Variants in PPCS observed in about 807,000 individuals in gnomAD.
The protein encoded by PPCS is phosphopantothenate--cysteine ligase.
PPCS carries 17 observed loss-of-function variants against 24.6 expected under a neutral mutation model. The observed-to-expected ratio is 0.69, with a 90% CI of 0.47 to 1.04. The LOEUF is 1.04. Among genes scored for constraint, PPCS ranks in the 50% least tolerant of loss-of-function variants. The pLI, the probability that PPCS is intolerant of heterozygous loss-of-function variation, is 0.00. For synonymous variants in PPCS, 190 were observed against 168.3 expected, an observed-to-expected ratio of 1.13 and a Z score of -1.00; for missense variants, 360 against 402.8, an observed-to-expected ratio of 0.89 and a Z score of 0.91.
chr1:42,465,005 C>A (rs1569651995), downstream of PPCS, among the ~76,000 whole-genome samples: 1 of 152,152 alleles, frequency 6.6e-6, no homozygotes, highest in Admixed American at 6.5e-5. Flanking sequence ...CTGGATAAAA[C>A]CTAACTCTTG....
At chr1:42,459,048 G>C (rs967803097) in intron 2 of PPCS, among the ~76,000 whole-genome samples, 1 of 152,106 alleles carries the variant, frequency 6.6e-6, no homozygotes, top group Non-Finnish European at 1.5e-5. Flanking sequence ...ATTAATGGTG[G>C]TAAGGTTGGC....
rs200603994 is a variant in PPCS, at chr1:42,456,730, C to A, written c.165C>A (p.Arg55=). 6.2e-7 allele frequency: 1 copy of A among 1,610,298 alleles called. No homozygotes were observed. Among genetic ancestry groups the A allele is most frequent in the South Asian group, 1.1e-5 (1 of 90,914 alleles). ...TCCCACTGGAAGCGCGGCCGGTGCG[C>A]TTCCTGGACAACTTCAGCAGCGGGC... ...TKVPLEARPV[R]FLDNFSSGRR... Residue 55 remains arginine, a synonymous_variant, in exon 1 of 3, where the codon CGC becomes CGA. Coordinates refer to ENST00000372561, the MANE Select transcript of PPCS (RefSeq NM_024664.4).
Position 42,457,245 on chromosome 1 carries a change from A to G in PPCS, c.509-2A>G, listed in dbSNP as rs1643240036. 3 of 1,613,902 alleles carry G rather than the reference A, an allele frequency of 1.9e-6. No homozygotes were observed. Among genetic ancestry groups the G allele is most frequent in the Non-Finnish European group, 2.5e-6 (3 of 1,179,934 alleles). The stretch of plus-strand genomic sequence containing the variant: ...GTTAACACCTTGTGTTTCTCTTTGC[A>G]GGCCCTTCTGCGATGTTTTACCTGG... On this transcript the variant is annotated splice_acceptor_variant, in intron 1 of 2. Coordinates refer to ENST00000372561, the MANE Select transcript of PPCS (RefSeq NM_024664.4). LOFTEE classifies it high-confidence loss of function.
intron 2 of PPCS, among the ~76,000 whole-genome samples, chr1:42,468,220 C>G (rs1354835697): frequency 6.6e-6 from 1 of 152,144 alleles, no homozygotes; most frequent in African/African-American, 2.4e-5. Context: ...ACATAAAAGT[C>G]AAAAATAAAA....
In PPCS at chr1:42,456,629, G is replaced by A. The variant is rs569793059; in HGVS notation, c.64G>A (p.Val22Ile). The A allele has an allele frequency of 3.8e-6, 6 of 1,575,222 alleles. No individual in the cohort carries two copies. The highest frequency in any genetic ancestry group is 1.2e-5 in the South Asian group (1 of 84,858). The change falls in exon 1 of 3, where the codon GTT (valine) becomes ATT (isoleucine). Residue 22 changes from valine (V) to isoleucine (I), a missense_variant. Val to Ile is a conservative substitution (Grantham distance 29). Transcript: ENST00000372561. The part of the protein sequence containing the change: ...QPPGAARWAE[V>I]MARFAARLGA... ...TCCCGGTGCTGCGCGCTGGGCTGAG[G>A]TTATGGCTCGCTTCGCGGCCAGGCT...
chr1:42,457,868 T>C (rs765806340), intron 2 of PPCS, among the ~76,000 whole-genome samples: 2 of 150,542 alleles, frequency 1.3e-5, no homozygotes, highest in Non-Finnish European at 2.9e-5. Flanking sequence ...GGCAGAAGAA[T>C]CGCTTGAAAC....
chr1:42,465,991 T>C (rs966222933), downstream of PPCS, among the ~76,000 whole-genome samples: 1 of 152,236 alleles, frequency 6.6e-6, no homozygotes, highest in Non-Finnish European at 1.5e-5. Context: ...TTTTAAACAT[T>C]TTTTACATTG....
exon 3 of PPCS, chr1:42,473,370 A>G (rs1305308106): frequency 2.2e-6 from 2 of 925,162 alleles, no homozygotes; most frequent in Non-Finnish European, 2.8e-6. Flanking sequence ...CATTAAATTG[A>G]CATATTAAAA....
In PPCS at chr1:42,456,559, G is replaced by A. The variant is rs947290606; in HGVS notation, c.-7G>A. 1.4e-6 allele frequency: 2 copies of A among 1,466,382 alleles called. No homozygotes were observed. The highest frequency in any genetic ancestry group is 1.8e-6 in the Non-Finnish European group (2 of 1,111,420). The allele number at this position is 1,466,382 out of a possible 1,614,324, so 90.8% of individuals were successfully genotyped here. ...AACGTGCGCAGGCGCCGGCCGCTGC[G>A]CTGCAGATGGCGGAAATGGATCCGG... On this transcript the variant is annotated 5_prime_UTR_variant, in exon 1 of 3. Coordinates refer to ENST00000372561, the MANE Select transcript of PPCS (RefSeq NM_024664.4).
intron 2 of PPCS, among the ~76,000 whole-genome samples, chr1:42,472,185 C>CAG (rs779210899): frequency 1.1e-4 from 17 of 151,960 alleles, no homozygotes; most frequent in Non-Finnish European, 1.3e-4. Context: ...ACCCAGGAGG[C>CAG]AGAGGTACAG....
downstream of PPCS, chr1:42,464,295 C>T (rs1643498723): frequency 6.6e-6 from 1 of 152,022 alleles, no homozygotes; most frequent in African/African-American, 2.4e-5. Context: ...AGTATTGGAC[C>T]CATTTCAGGC....
intron 2 of PPCS, chr1:42,459,171 T>C (rs1407712241): frequency 1.3e-5 from 2 of 149,672 alleles, no homozygotes; most frequent in East Asian, 3.9e-4. Flanking sequence ...TTTTTTTTTT[T>C]TTTTTTTGTG....
At chr1:42,465,797 A>T (rs1156794534), downstream of PPCS, among the ~76,000 whole-genome samples, 1 of 152,208 alleles carries the variant, frequency 6.6e-6, no homozygotes, top group Non-Finnish European at 1.5e-5. Flanking sequence ...GAGATCAGGG[A>T]TGCTGCTCCA....
Position 42,456,964 on chromosome 1 carries a change from G to T in PPCS, c.399G>T (p.Arg133Ser). The change falls in exon 1 of 3, where the codon AGG (arginine) becomes AGT (serine). Residue 133 changes from arginine to serine, a missense_variant. Around this residue, in one of 2 missense-constraint regions of PPCS, gnomAD observed 244 missense variants for 234.7 expected, o/e 1.04. Coordinates refer to ENST00000372561, the MANE Select transcript of PPCS (RefSeq NM_024664.4). Reference sequence around the variant, plus strand: ...TTCCGGGTTTTGCTGAGGCTCTGAGGAGCTACCAGGAGGCTGCGGCTGCAG... The same window carrying T: ...TTCCGGGTTTTGCTGAGGCTCTGAGTAGCTACCAGGAGGCTGCGGCTGCAG... The part of the protein sequence containing the change: ...NALPGFAEAL[R>S]SYQEAAAAGT... 6.2e-7 allele frequency: 1 copy of T among 1,604,092 alleles called. No homozygotes were observed. The highest frequency in any genetic ancestry group is 8.5e-7 in the Non-Finnish European group (1 of 1,179,980).
At position 42,456,685 on chromosome 1, in the gene PPCS, T is replaced by A. The variant is rs538839125; in HGVS notation, c.120T>A (p.Val40=). Residue 40 remains valine (V), a synonymous_variant, in exon 1 of 3, where the codon GTT becomes GTA. Coordinates refer to ENST00000372561, the MANE Select transcript of PPCS (RefSeq NM_024664.4). ...CGCAGGGCCGGCGGGTGGTGTTGGT[T>A]ACGTCAGGCGGCACCAAGGTCCCAC... The part of the protein sequence containing the change: ...LGAQGRRVVL[V]TSGGTKVPLE... 8.1e-6 allele frequency: 13 copies of A among 1,606,144 alleles called. No homozygotes were observed. The highest frequency in any genetic ancestry group is 4.0e-5 in the African/African-American group (3 of 75,024).
intron 2 of PPCS, among the ~76,000 whole-genome samples, chr1:42,470,702 C>G (rs1445949847): frequency 6.6e-6 from 1 of 152,114 alleles, no homozygotes; most frequent in African/African-American, 2.4e-5. Flanking sequence ...TAAGCCAATA[C>G]AAAAGGACAA....
chr1:42,463,260 T>C (rs1032208768), downstream of PPCS: 1 of 152,268 alleles, frequency 6.6e-6, no homozygotes, highest in African/African-American at 2.4e-5. Flanking sequence ...GAAGGACGCG[T>C]CTGCGTCTCT....
exon 3 of PPCS, chr1:42,473,357 C>T (rs1643829256): frequency 9.9e-7 from 1 of 1,010,180 alleles, no homozygotes; most frequent in African/African-American, 1.7e-5. Flanking sequence ...GTTCATTGCC[C>T]TTCATTAAAT....
chr1:42,457,006 A>G lies in PPCS; in HGVS notation c.441A>G (p.Val147=), dbSNP rs781284043. ...EAAAAGTFLA[V]EFTTLADYLH... The stretch of plus-strand genomic sequence containing the variant: ...CGGCTGCAGGCACCTTCCTGGCAGT[A>G]GAGTTCACCACTTTGGCGGACTATT... Residue 147 remains valine, a synonymous_variant, in exon 1 of 3, where the codon GTA becomes GTG. Transcript: ENST00000372561. 9.4e-6 allele frequency: 15 copies of G among 1,602,026 alleles called. No individual in the cohort carries two copies. The highest frequency in any genetic ancestry group is 1.3e-5 in the Non-Finnish European group (15 of 1,179,930).
Sources: allele counts gnomAD v4.1 joint callset (sites outside exome capture counted in the v4.1 genomes callset), GRCh38; gene constraint gnomAD v4.1.1; regional missense constraint gnomAD v4.1.1; transcripts MANE v1.5; gene names NCBI Gene and HGNC (gene_info 2026-07-23, HGNC 2026-07-21).